NAALADL2: variants seen among roughly 807,000 people sequenced by gnomAD.
NAALADL2 encodes the protein N-acetylated alpha-linked acidic dipeptidase like 2, also known as inactive N-acetylated-alpha-linked acidic dipeptidase-like protein 2.
Under a neutral mutation model 87.2 loss-of-function variants are expected in NAALADL2, and 76 were observed. The observed-to-expected ratio is 0.87, with a 90% CI of 0.72 to 1.05. NAALADL2 has a LOEUF of 1.05. NAALADL2 is among the 50% of genes least tolerant of loss of function. The pLI is 0.00. For synonymous variants in NAALADL2, 354 were observed against 331.0 expected, an observed-to-expected ratio of 1.07 and a Z score of -0.75; for missense variants, 1,089 against 945.8, an observed-to-expected ratio of 1.15 and a Z score of -1.99.
At chr3:174,812,736 T>C (rs1003874524) in intron 3 of NAALADL2, among the ~76,000 whole-genome samples, 1 of 151,936 alleles carries the variant, frequency 6.6e-6, no homozygotes, top group African/African-American at 2.4e-5. Context: ...TGATCTCGTA[T>C]AGGCCTAGGC....
intron 5 of NAALADL2, among the ~76,000 whole-genome samples, chr3:175,338,675 C>G (rs1233033423): frequency 2.2e-5 from 3 of 133,346 alleles, no homozygotes; most frequent in African/African-American, 8.6e-5. Flanking sequence ...ACAAACAAAA[C>G]ACCAGGAACT....
intron 5 of NAALADL2, among the ~76,000 whole-genome samples, chr3:175,424,012 G>A (rs1381398078): frequency 3.2e-4 from 48 of 152,116 alleles, no homozygotes; most frequent in Admixed American, 3.1e-3. Flanking sequence ...TTCTCTGACG[G>A]CCAGTGATGA....
chr3:175,616,133 ATATAT>A (rs889868629), intron 10 of NAALADL2, among the ~76,000 whole-genome samples: 133 of 147,490 alleles, frequency 9.0e-4, no homozygotes, highest in African/African-American at 3.0e-3. Context: ...GATAAGTTTG[ATATAT>A]TATATAAATG....
intron 5 of NAALADL2, among the ~76,000 whole-genome samples, chr3:175,409,050 T>G (rs994592438): frequency 6.6e-6 from 1 of 152,018 alleles, no homozygotes; most frequent in African/African-American, 2.4e-5. Flanking sequence ...CATTTCCTAC[T>G]TTAAAATGTA....
chr3:175,483,056 A>G (rs949951425), intron 9 of NAALADL2, among the ~76,000 whole-genome samples: 15 of 152,096 alleles, frequency 9.9e-5, no homozygotes, highest in Admixed American at 5.9e-4. Context: ...CAAATGCACA[A>G]AATCACTACT....
chr3:174,894,621 A>G, intron 1 of NAALADL2, among the ~76,000 whole-genome samples: 1 of 79,734 alleles, frequency 1.3e-5, no homozygotes, highest in East Asian at 5.5e-4. Context: ...AAAAAAAAAA[A>G]AAAAAAAAAA....
In NAALADL2 at chr3:175,013,098, A is replaced by ATATG. The variant is rs1327973386; in HGVS notation, c.44-83689_44-83688insGTAT. ...ATATGTAATACATATTTATATATAA[A>ATATG]TATACATATTTATATATAAATATAC... is the stretch of plus-strand genomic sequence containing the variant. On this transcript the variant is annotated intron_variant, in intron 1 of 13. Transcript: ENST00000454872. Among the ~76,000 whole-genome samples the ATATG allele has an allele frequency of 0.013, 752 of 59,754 alleles. 135 individuals are homozygous for ATATG. The African/African-American group carries it at 0.13, about 10-fold the overall frequency. 39.2% of individuals were successfully genotyped at this position (59,754 alleles called of 152,430 possible). A position where few individuals can be genotyped will look rare whatever the true frequency, so the allele number is the denominator to read the frequency against.
At chr3:175,274,859 A>G (rs7648629) in intron 4 of NAALADL2, among the ~76,000 whole-genome samples, 104,446 of 151,788 alleles carry the variant, frequency 0.69, 36,514 homozygotes, top group Non-Finnish European at 0.77. Context: ...TTTTCATTTT[A>G]TTGACATAGT....
chr3:175,093,429 T>TATATATATATATAA lies in NAALADL2; in HGVS notation c.44-3357_44-3356insATATATATAAATAT, dbSNP rs1553771435. Among the ~76,000 whole-genome samples, 8 of 146,108 alleles carry TATATATATATATAA rather than the reference T, an allele frequency of 5.5e-5. No individual in the cohort carries two copies. In the East Asian group the frequency reaches 1.6e-3, roughly 29 times the overall value. On this transcript the variant is annotated intron_variant, in intron 1 of 13. Transcript: ENST00000454872. ...CATTTTATTTTTTTATATATATATA[T>TATATATATATATAA]ATATGTTTTAAGTGAAGCAAACAAA...
intron 11 of NAALADL2, among the ~76,000 whole-genome samples, chr3:175,724,385 A>G (rs1022627987): frequency 7.2e-5 from 11 of 152,156 alleles, no homozygotes; most frequent in Middle Eastern, 3.2e-3. Flanking sequence ...TCTTATTTAC[A>G]TACATGTATT....
chr3:174,848,181 G>A (rs912976825), intron 3 of NAALADL2, among the ~76,000 whole-genome samples: 7 of 151,818 alleles, frequency 4.6e-5, no homozygotes, highest in Non-Finnish European at 1.5e-5. Flanking sequence ...ATATACCAAG[G>A]TTTCCATGTT....
intron 1 of NAALADL2, among the ~76,000 whole-genome samples, chr3:174,891,369 C>A (rs988727916): frequency 6.6e-6 from 1 of 151,958 alleles, no homozygotes; most frequent in African/African-American, 2.4e-5. Context: ...CTCACAGTAC[C>A]TGGTTTTAAC....
chr3:175,609,739 G>A, intron 10 of NAALADL2: 1 of 152,090 alleles, frequency 6.6e-6, no homozygotes, highest in East Asian at 1.9e-4. Context: ...ATAGCAGAGG[G>A]GAAATTAACT....
chr3:175,198,377 A>T (rs1396098171), intron 2 of NAALADL2, among the ~76,000 whole-genome samples: 2 of 152,070 alleles, frequency 1.3e-5, no homozygotes, highest in Admixed American at 6.6e-5. Context: ...TCTAACCTTT[A>T]CCTGGATGAA....
At chr3:175,348,353 A>G (rs1379497441) in intron 5 of NAALADL2, among the ~76,000 whole-genome samples, 1 of 152,184 alleles carries the variant, frequency 6.6e-6, no homozygotes, top group Non-Finnish European at 1.5e-5. Flanking sequence ...ACATTTTCTT[A>G]CTTAGTAATG....
intron 11 of NAALADL2, among the ~76,000 whole-genome samples, chr3:175,703,097 A>T (rs958118665): frequency 2.0e-5 from 3 of 152,094 alleles, no homozygotes; most frequent in African/African-American, 7.2e-5. Context: ...AAAACATTCC[A>T]CTGGAGATCT....
At chr3:175,113,755 A>G (rs1724600488) in intron 2 of NAALADL2, among the ~76,000 whole-genome samples, 1 of 151,546 alleles carries the variant, frequency 6.6e-6, no homozygotes, top group Non-Finnish European at 1.5e-5. Flanking sequence ...AAGGATCCCC[A>G]ATTTTTTTTA....
At chr3:174,700,962 G>A (rs1729490910) in intron 2 of NAALADL2, among the ~76,000 whole-genome samples, 1 of 152,090 alleles carries the variant, frequency 6.6e-6, no homozygotes, top group Non-Finnish European at 1.5e-5. Flanking sequence ...ACAAAAGAAT[G>A]CCAATCTGAC....
chr3:175,584,182 C>T (rs1490089824), intron 10 of NAALADL2, among the ~76,000 whole-genome samples: 1 of 152,028 alleles, frequency 6.6e-6, no homozygotes, highest in Non-Finnish European at 1.5e-5. Context: ...GGATTACAGG[C>T]ATGCACCACC....
Sources: gnomAD v4.1 joint callset for allele counts (sites outside exome capture counted in the v4.1 genomes callset) on GRCh38, gnomAD v4.1.1 for gene constraint, MANE v1.5 for transcripts, NCBI Gene and HGNC (gene_info 2026-07-23, HGNC 2026-07-21) for gene names.